The following C12orf76 variants were observed in gnomAD, a reference collection of about 807,000 sequenced individuals.
C12orf76 encodes uncharacterized protein C12orf76.
C12orf76 carries 6 observed loss-of-function variants against 6.8 expected under a neutral mutation model. That is an observed-to-expected ratio of 0.88 (90% CI 0.48 to 1.73). C12orf76 has a LOEUF of 1.73. Among genes scored for constraint, C12orf76 ranks in the 40% most tolerant of loss-of-function variants. The pLI, the probability that C12orf76 is intolerant of heterozygous loss-of-function variation, is 0.01. For missense variants in C12orf76, 99 were observed against 98.2 expected, an observed-to-expected ratio of 1.01 and a Z score of -0.03; for synonymous variants, 56 against 43.7, an observed-to-expected ratio of 1.28 and a Z score of -1.11.
chr12:110,051,134 A>T (rs1346861511), upstream of C12orf76: 1 of 780,546 alleles, frequency 1.3e-6, no homozygotes, highest in Non-Finnish European at 2.4e-6. Flanking sequence ...GGCTCTTTCC[A>T]CTGGTACAGC....
intron 3 of C12orf76, chr12:110,057,371 T>G: frequency 2.1e-6 from 2 of 936,102 alleles, no homozygotes; most frequent in Non-Finnish European, 3.4e-6. Context: ...CCTTACCTCA[T>G]GACTAACCCA....
At chr12:110,072,164 C>T (rs746013949), upstream of C12orf76, among the ~76,000 whole-genome samples, 10 of 151,894 alleles carry the variant, frequency 6.6e-5, no homozygotes, top group Non-Finnish European at 7.4e-5. Flanking sequence ...TGGTGGCTCA[C>T]GCCTGTAATC....
At chr12:110,042,917 G>C (rs994851136) in intron 1 of C12orf76, among the ~76,000 whole-genome samples, 1 of 151,964 alleles carries the variant, frequency 6.6e-6, no homozygotes, top group African/African-American at 2.4e-5. Context: ...AATTGGCCAG[G>C]TGTGGTGGCA....
chr12:110,051,259 C>T (rs745987062), upstream of C12orf76: 65 of 741,458 alleles, frequency 8.8e-5, no homozygotes, highest in Non-Finnish European at 1.5e-4. Flanking sequence ...AATCCTAGCT[C>T]GGCTGCATGA....
At chr12:110,048,701 C>A, upstream of C12orf76, 1 of 1,233,384 alleles carries the variant, frequency 8.1e-7, no homozygotes, top group Non-Finnish European at 1.0e-6. Flanking sequence ...CCCGGACCAA[C>A]TTTCCGTTCA....
chr12:110,056,551 G>A (rs1236589957), intron 4 of C12orf76, among the ~76,000 whole-genome samples: 1 of 152,040 alleles, frequency 6.6e-6, no homozygotes, highest in Admixed American at 6.6e-5. Flanking sequence ...TTCAAGACCA[G>A]CCTGGGCAAC....
chr12:110,043,367 T>G (rs1379402451), intron 1 of C12orf76, among the ~76,000 whole-genome samples: 1 of 140,208 alleles, frequency 7.1e-6, no homozygotes, highest in Non-Finnish European at 1.5e-5. Context: ...TCATCTGATT[T>G]AGTCGGAAAA....
chr12:110,049,863 G>T (rs961425504), upstream of C12orf76: 1 of 152,232 alleles, frequency 6.6e-6, no homozygotes, highest in East Asian at 1.9e-4. Flanking sequence ...GAAACTCCCT[G>T]CCCTGTTCTG....
chr12:110,069,440 AAAAC>A (rs1210525662), upstream of C12orf76, among the ~76,000 whole-genome samples: 4 of 152,218 alleles, frequency 2.6e-5, no homozygotes, highest in South Asian at 2.1e-4. Flanking sequence ...ACTCCGTCTC[AAAAC>A]AAACAAACAA....
intron 1 of C12orf76, among the ~76,000 whole-genome samples, chr12:110,067,136 A>T (rs746366206): frequency 3.9e-5 from 6 of 152,178 alleles, no homozygotes; most frequent in Non-Finnish European, 7.3e-5. Flanking sequence ...CTTTGCTTAC[A>T]ATCTTCCCAT....
chr12:110,050,838 C>G (rs1303942992), upstream of C12orf76: 4 of 602,912 alleles, frequency 6.6e-6, no homozygotes, highest in Non-Finnish European at 1.2e-5. Context: ...CTAATTCTTT[C>G]TTGCGCTAGA....
intron 2 of C12orf76, among the ~76,000 whole-genome samples, chr12:110,061,380 C>T (rs1566077928): frequency 6.6e-6 from 1 of 152,068 alleles, no homozygotes; most frequent in Non-Finnish European, 1.5e-5. Context: ...TCTAATATTG[C>T]TCGAAGTCAT....
At chr12:110,067,870 C>T (rs937247133), upstream of C12orf76, among the ~76,000 whole-genome samples, 20 of 151,838 alleles carry the variant, frequency 1.3e-4, no homozygotes, top group Non-Finnish European at 2.8e-4. Context: ...TCTGAGGTTG[C>T]TAAGAAGAGA....
At chr12:110,048,142 GGCACAT>G (rs1892497864) in intron 1 of C12orf76, among the ~76,000 whole-genome samples, 1 of 152,180 alleles carries the variant, frequency 6.6e-6, no homozygotes, top group Non-Finnish European at 1.5e-5. Flanking sequence ...CGAAGGTTCT[GGCACAT>G]ATTGAGCACT....
At chr12:110,063,559 G>A in intron 2 of C12orf76, among the ~76,000 whole-genome samples, 1 of 151,430 alleles carries the variant, frequency 6.6e-6, no homozygotes. Context: ...CGAAGTGCTG[G>A]GATTACAGGT....
chr12:110,060,727 G>A (rs534729476), intron 2 of C12orf76, among the ~76,000 whole-genome samples: 4 of 152,154 alleles, frequency 2.6e-5, no homozygotes, highest in Non-Finnish European at 5.9e-5. Context: ...CCATCTATAT[G>A]CTGGTGATAT....
chr12:110,061,062 G>T (rs1892763534), intron 2 of C12orf76, among the ~76,000 whole-genome samples: 1 of 149,326 alleles, frequency 6.7e-6, no homozygotes, highest in Non-Finnish European at 1.5e-5. Flanking sequence ...AGCTCTGTGG[G>T]GGAGACCAGA....
upstream of C12orf76, among the ~76,000 whole-genome samples, chr12:110,071,212 C>T (rs920893268): frequency 1.3e-5 from 2 of 152,084 alleles, no homozygotes; most frequent in African/African-American, 4.8e-5. Flanking sequence ...ATTTCTTGAA[C>T]AACTTTGCAT....
chr12:110,068,330 A>C (rs940267478), upstream of C12orf76, among the ~76,000 whole-genome samples: 10 of 116,662 alleles, frequency 8.6e-5, no homozygotes, highest in Non-Finnish European at 1.6e-4. Context: ...AAGAAGAAGA[A>C]GGCGGCCAAA....
Sources: gnomAD v4.1 joint callset for allele counts (sites outside exome capture counted in the v4.1 genomes callset) on GRCh38, gnomAD v4.1.1 for gene constraint, MANE v1.5 for transcripts, NCBI Gene and HGNC (gene_info 2026-07-23, HGNC 2026-07-21) for gene names.